Variants in CADM2 observed in about 807,000 individuals in gnomAD.
CADM2 encodes cell adhesion molecule 2.
A neutral mutation model predicts 49.8 loss-of-function variants in CADM2; 12 were observed. The ratio of observed to expected loss-of-function variants is 0.24; its 90% CI spans 0.15 to 0.39. The LOEUF is 0.39. Ranked by LOEUF, CADM2 falls within the 10% of genes least tolerant of loss-of-function variation. CADM2 has a pLI of 1.00. For synonymous variants in CADM2, 214 were observed against 175.4 expected, an observed-to-expected ratio of 1.22 and a Z score of -1.74; for missense variants, 378 against 492.3, an observed-to-expected ratio of 0.77 and a Z score of 2.20.
At chr3:85,677,238 T>G (rs1325012376) in intron 1 of CADM2, among the ~76,000 whole-genome samples, 3 of 152,190 alleles carry the variant, frequency 2.0e-5, no homozygotes. Context: ...TCATTCAACC[T>G]GAATCATTTG....
intron 1 of CADM2, among the ~76,000 whole-genome samples, chr3:85,228,710 G>C (rs934490264): frequency 2.6e-5 from 4 of 151,984 alleles, no homozygotes; most frequent in African/African-American, 9.7e-5. Flanking sequence ...TCATAGAGGT[G>C]CACCCGCCAG....
chr3:85,695,174 A>G (rs750637268), intron 1 of CADM2, among the ~76,000 whole-genome samples: 3 of 152,146 alleles, frequency 2.0e-5, no homozygotes, highest in Non-Finnish European at 4.4e-5. Context: ...ATAAAATGTG[A>G]ATAATTTGGA....
chr3:85,876,925 T>G lies in CADM2; in HGVS notation c.239-6366T>G, dbSNP rs972317105. On this transcript the variant is annotated intron_variant, in intron 3 of 9. Transcript: ENST00000383699. ...ATTAGTTGTCTTAGGCATTTTTATTTTATTCAGCATGAATCCAAAATACAC... is the reference window on the plus strand; with the variant it reads ...ATTAGTTGTCTTAGGCATTTTTATTGTATTCAGCATGAATCCAAAATACAC... Among the ~76,000 whole-genome samples, 5 of 152,186 alleles carry G rather than the reference T, an allele frequency of 3.3e-5. 1 individual carries two copies. Among genetic ancestry groups the G allele is most frequent in the Admixed American group, 2.0e-4 (3 of 15,274 alleles).
intron 1 of CADM2, among the ~76,000 whole-genome samples, chr3:85,006,894 T>A (rs535686195): frequency 6.6e-6 from 1 of 152,256 alleles, no homozygotes; most frequent in South Asian, 2.1e-4. Context: ...GCAAACTAAT[T>A]TCTCTTGCAA....
At chr3:85,558,452 C>T (rs753042392) in intron 1 of CADM2, among the ~76,000 whole-genome samples, 8 of 151,040 alleles carry the variant, frequency 5.3e-5, no homozygotes, top group Non-Finnish European at 1.2e-4. Context: ...AATATCAAAT[C>T]AAGACAGTTA....
intron 1 of CADM2, chr3:84,960,216 T>G (rs1575921378): frequency 6.5e-6 from 1 of 153,930 alleles, no homozygotes; most frequent in African/African-American, 2.4e-5. Flanking sequence ...GACAGCACCG[T>G]GTGCATTGCA....
intron 3 of CADM2, among the ~76,000 whole-genome samples, chr3:85,823,414 C>T (rs1019888307): frequency 2.0e-5 from 3 of 152,042 alleles, no homozygotes; most frequent in African/African-American, 7.2e-5. Context: ...ATTTCCCTGC[C>T]ATGGTAGCTT....
chr3:85,916,804 T>A (rs1577655947), intron 6 of CADM2, among the ~76,000 whole-genome samples: 1 of 152,002 alleles, frequency 6.6e-6, no homozygotes, highest in Non-Finnish European at 1.5e-5. Flanking sequence ...TAAAAGTGTT[T>A]CTATTTCTCC....
Position 85,721,614 on chromosome 3 carries a change from G to A in CADM2, c.62-4908G>A, listed in dbSNP as rs144367305. ...GTGCCGGCATGGGCACCAGCTCTCC[G>A]TGAGGCTGCAGCTGGACCAGGTGCA... On this transcript the variant is annotated intron_variant, in intron 1 of 9. Transcript: ENST00000383699. Among the ~76,000 whole-genome samples, 12 of 152,284 alleles carry A rather than the reference G, an allele frequency of 7.9e-5. No individual in the cohort carries two copies. The East Asian group carries it at 9.7e-4, about 12-fold the overall frequency.
intron 1 of CADM2, among the ~76,000 whole-genome samples, chr3:85,577,629 A>G (rs2062672942): frequency 6.6e-6 from 1 of 152,182 alleles, no homozygotes; most frequent in South Asian, 2.1e-4. Flanking sequence ...TTCTATTATT[A>G]AAAACATGTA....
At chr3:85,144,839 A>G (rs1446525760) in intron 1 of CADM2, among the ~76,000 whole-genome samples, 1 of 152,230 alleles carries the variant, frequency 6.6e-6, no homozygotes, top group Non-Finnish European at 1.5e-5. Flanking sequence ...ATAGATAAAT[A>G]TAATCACAAT....
intron 1 of CADM2, among the ~76,000 whole-genome samples, chr3:85,608,443 T>C (rs1332711212): frequency 6.6e-6 from 1 of 152,142 alleles, no homozygotes; most frequent in Non-Finnish European, 1.5e-5. Flanking sequence ...ACATTCTATT[T>C]CTTTAAACTT....
At chr3:84,986,875 A>G (rs1227336303) in intron 1 of CADM2, among the ~76,000 whole-genome samples, 2 of 151,676 alleles carry the variant, frequency 1.3e-5, no homozygotes, top group African/African-American at 4.8e-5. Context: ...AACATGGAGA[A>G]ACCCCGTCTC....
chr3:85,659,927 T>C (rs77566799), intron 1 of CADM2, among the ~76,000 whole-genome samples: 21,119 of 152,082 alleles, frequency 0.14, 1,558 homozygotes, highest in African/African-American at 0.15. Flanking sequence ...AAGACTTCAA[T>C]TTAAAAAAAA....
intron 1 of CADM2, among the ~76,000 whole-genome samples, chr3:85,491,284 T>C (rs1430989326): frequency 1.3e-5 from 2 of 152,190 alleles, no homozygotes; most frequent in Non-Finnish European, 2.9e-5. Context: ...GAGATAAATC[T>C]GTGTCATTTT....
At chr3:85,884,925 G>T (rs1256656270) in intron 4 of CADM2, among the ~76,000 whole-genome samples, 12 of 149,102 alleles carry the variant, frequency 8.0e-5, no homozygotes, top group Non-Finnish European at 5.9e-5. Context: ...TAGTAGAGAC[G>T]GGGTTTCACC....
At chr3:85,845,195 GA>G (rs1283694663) in intron 3 of CADM2, among the ~76,000 whole-genome samples, 18 of 144,656 alleles carry the variant, frequency 1.2e-4, no homozygotes, top group Admixed American at 1.2e-3. Context: ...GAAAAGAAAA[GA>G]AAAACTTGTA....
intron 1 of CADM2, among the ~76,000 whole-genome samples, chr3:85,482,970 T>C (rs1442643456): frequency 6.6e-6 from 1 of 151,610 alleles, no homozygotes; most frequent in Non-Finnish European, 1.5e-5. Context: ...ATTAAATCGG[T>C]CCTTTGATTT....
intron 1 of CADM2, among the ~76,000 whole-genome samples, chr3:85,452,729 A>G (rs1422812183): frequency 6.6e-6 from 1 of 152,130 alleles, no homozygotes; most frequent in Non-Finnish European, 1.5e-5. Flanking sequence ...GGCAGTTCCG[A>G]TTTTGGAAGT....
Sources: gnomAD v4.1 joint callset for allele counts (sites outside exome capture counted in the v4.1 genomes callset) on GRCh38, gnomAD v4.1.1 for gene constraint, MANE v1.5 for transcripts, NCBI Gene and HGNC (gene_info 2026-07-23, HGNC 2026-07-21) for gene names.